The following MORC1 variants were observed in gnomAD, a reference collection of about 807,000 sequenced individuals.
The protein encoded by MORC1 is MORC family CW-type zinc finger 1.
In MORC1, 59 loss-of-function variants were observed where a neutral mutation model predicts 134.9. The observed-to-expected ratio is 0.44, with a 90% CI of 0.35 to 0.54. The LOEUF (loss-of-function observed/expected upper bound fraction) is 0.54. Ranked by LOEUF, MORC1 falls within the 20% of genes least tolerant of loss-of-function variation. The probability of loss-of-function intolerance (pLI) is 0.00; values close to 1 mark genes in which losing one functional copy is unlikely to be tolerated. For missense variants in MORC1, 947 were observed against 1,134.5 expected, an observed-to-expected ratio of 0.83 and a Z score of 2.37; for synonymous variants, 395 against 391.7, an observed-to-expected ratio of 1.01 and a Z score of -0.10.
At chr3:109,002,078 C>T (rs971064791) in intron 20 of MORC1, among the ~76,000 whole-genome samples, 3 of 152,202 alleles carry the variant, frequency 2.0e-5, no homozygotes, top group African/African-American at 7.2e-5. Flanking sequence ...ATCATCCTAG[C>T]CTACACCACT....
intron 8 of MORC1, among the ~76,000 whole-genome samples, chr3:109,091,446 A>AAAATAAAT (rs56865589): frequency 2.6e-4 from 38 of 147,042 alleles, no homozygotes; most frequent in African/African-American, 8.3e-4. Context: ...TCCATCTAAA[A>AAAATAAAT]AAATAAATAA....
chr3:109,011,794 T>C (rs1398378646), intron 17 of MORC1, among the ~76,000 whole-genome samples: 1 of 152,310 alleles, frequency 6.6e-6, no homozygotes, highest in East Asian at 1.9e-4. Context: ...GTGCTAGGAT[T>C]ACAGGCGTGA....
chr3:109,063,529 T>A (rs540794202), intron 9 of MORC1, among the ~76,000 whole-genome samples: 1 of 152,300 alleles, frequency 6.6e-6, no homozygotes, highest in South Asian at 2.1e-4. Flanking sequence ...AAAAATTCTA[T>A]GAAGTTGTTC....
intron 8 of MORC1, among the ~76,000 whole-genome samples, chr3:109,080,824 T>C (rs9865233): frequency 0.84 from 128,116 of 152,062 alleles, 54,184 homozygotes; most frequent in East Asian, 0.93. Context: ...TTATAAAGGC[T>C]GTAGCAATTA....
At chr3:109,096,156 A>T (rs537235767) in intron 6 of MORC1, among the ~76,000 whole-genome samples, 1 of 152,222 alleles carries the variant, frequency 6.6e-6, no homozygotes, top group Admixed American at 6.5e-5. Flanking sequence ...AGAAACATTC[A>T]GAGAATAAGA....
At chr3:109,000,532 T>C in intron 21 of MORC1, 25 bp downstream of exon 21, 1 of 1,492,164 alleles carries the variant, frequency 6.7e-7, no homozygotes, top group African/African-American at 1.4e-5. Flanking sequence ...TCTCAAGGTG[T>C]CATTTAGTGT....
intron 24 of MORC1, among the ~76,000 whole-genome samples, chr3:108,972,328 T>C (rs1947406772): frequency 6.6e-6 from 1 of 152,188 alleles, no homozygotes; most frequent in Admixed American, 6.5e-5. Flanking sequence ...CTCATGTATA[T>C]TATCTAAGGG....
chr3:109,013,567 T>C (rs1948747982), intron 17 of MORC1, among the ~76,000 whole-genome samples: 1 of 152,216 alleles, frequency 6.6e-6, no homozygotes, highest in South Asian at 2.1e-4. Context: ...TCTCTAGATG[T>C]GTCCTTCTTC....
At chr3:109,101,673 T>G (rs1488121180) in intron 4 of MORC1, 1 of 152,266 alleles carries the variant, frequency 6.6e-6, no homozygotes, top group Non-Finnish European at 1.5e-5. Context: ...CAATCTTAGC[T>G]AACACTTATT....
In MORC1 at chr3:108,996,286, G is replaced by GCACACACACACACACACACACA. The variant is rs66629906; in HGVS notation, c.2187+4249_2187+4270dup. 1.1e-3 allele frequency among the ~76,000 whole-genome samples: 154 copies of GCACACACACACACACACACACA among 146,436 alleles called. 2 individuals carry two copies. Among genetic ancestry groups the GCACACACACACACACACACACA allele is most frequent in the African/African-American group, 3.3e-3 (131 of 39,278 alleles). On this transcript the variant is annotated intron_variant, in intron 21 of 27. Transcript: ENST00000232603. ...CATGTGCGCGTGCGTGCGCGCGCGC[G>GCACACACACACACACACACACA]CACACACACACACACACACACAACT...
At chr3:108,985,063 T>C (rs543739273) in intron 22 of MORC1, among the ~76,000 whole-genome samples, 2 of 152,314 alleles carry the variant, frequency 1.3e-5, no homozygotes, top group South Asian at 4.1e-4. Context: ...GCCTGGAGTA[T>C]GATCAGAACT....
At chr3:108,997,694 G>A (rs1397935093) in intron 21 of MORC1, among the ~76,000 whole-genome samples, 2 of 152,186 alleles carry the variant, frequency 1.3e-5, no homozygotes, top group African/African-American at 4.8e-5. Context: ...GAGAATGAAT[G>A]ATCAGATGGC....
Position 109,035,482 on chromosome 3 carries a change from A to AAC in MORC1, c.1331-15_1331-14insGT. 1 of 1,417,092 alleles carries AAC rather than the reference A, an allele frequency of 7.1e-7. No homozygotes were observed. The highest frequency in any genetic ancestry group is 9.5e-7 in the Non-Finnish European group (1 of 1,053,104). The allele number at this position is 1,417,092 out of a possible 1,614,324, so 87.8% of individuals were successfully genotyped here. A position where few individuals can be genotyped will look rare whatever the true frequency, so the allele number is the denominator to read the frequency against. On this transcript the variant is annotated splice_polypyrimidine_tract_variant and intron_variant, in intron 14 of 27. Transcript: ENST00000232603. Reference sequence around the variant, plus strand: ...AATTTCTATTATCTTTTAAAAAAAAAAGCAGGCAAAGAATAACAAAAAAAA... The same window carrying AAC: ...AATTTCTATTATCTTTTAAAAAAAAAACAGCAGGCAAAGAATAACAAAAAAAA...
intron 14 of MORC1, among the ~76,000 whole-genome samples, chr3:109,046,259 G>A (rs1193808649): frequency 6.6e-6 from 1 of 152,188 alleles, no homozygotes; most frequent in Non-Finnish European, 1.5e-5. Context: ...AGACTAGAAG[G>A]GAGAGGGCTA....
chr3:108,996,286 G>GTGCGCACACACACACACACA (rs1553745317), intron 21 of MORC1, among the ~76,000 whole-genome samples: 2 of 146,382 alleles, frequency 1.4e-5, no homozygotes, highest in African/African-American at 5.1e-5. Context: ...GCGCGCGCGC[G>GTGCGCACACACACACACACA]CACACACACA....
At chr3:109,083,504 C>T (rs1950561660) in intron 8 of MORC1, among the ~76,000 whole-genome samples, 1 of 152,090 alleles carries the variant, frequency 6.6e-6, no homozygotes, top group Non-Finnish European at 1.5e-5. Flanking sequence ...GGCGCAGTGG[C>T]TCACGCCTGT....
At chr3:109,026,007 C>G (rs1949065720) in intron 17 of MORC1, among the ~76,000 whole-genome samples, 1 of 152,134 alleles carries the variant, frequency 6.6e-6, no homozygotes, top group Admixed American at 6.5e-5. Context: ...CTCTGTATTT[C>G]CCATAATTCC....
intron 17 of MORC1, among the ~76,000 whole-genome samples, chr3:109,018,081 G>A (rs1201012857): frequency 6.6e-6 from 1 of 152,124 alleles, no homozygotes; most frequent in Non-Finnish European, 1.5e-5. Context: ...TCCGTCTGGT[G>A]TAGATCTCAG....
intron 14 of MORC1, among the ~76,000 whole-genome samples, chr3:109,036,426 T>C (rs935491290): frequency 2.0e-5 from 3 of 151,922 alleles, no homozygotes; most frequent in Non-Finnish European, 4.4e-5. Flanking sequence ...GAAAGAGAGG[T>C]GGAGAGGAAG....
Sources: allele counts gnomAD v4.1 joint callset (sites outside exome capture counted in the v4.1 genomes callset), GRCh38; gene constraint gnomAD v4.1.1; transcripts MANE v1.5; gene names NCBI Gene and HGNC (gene_info 2026-07-23, HGNC 2026-07-21).